CCSER2: variants seen among roughly 807,000 people sequenced by gnomAD.
CCSER2 encodes serine-rich coiled-coil domain-containing protein 2.
In CCSER2, 46 loss-of-function variants were observed where a neutral mutation model predicts 92.3. The ratio of observed to expected loss-of-function variants is 0.50; its 90% CI spans 0.39 to 0.64. The LOEUF (loss-of-function observed/expected upper bound fraction) is 0.64. CCSER2 is among the 30% of genes least tolerant of loss of function. The pLI, the probability that CCSER2 is intolerant of heterozygous loss-of-function variation, is 0.00. For synonymous variants in CCSER2, 433 were observed against 431.4 expected (o/e 1.00, Z -0.04); for missense variants, 1,244 against 1,238.9 (o/e 1.00, Z -0.06).
intron 9 of CCSER2, chr10:84,499,966 CTG>C: frequency 6.2e-7 from 1 of 1,613,414 alleles, no homozygotes; most frequent in Non-Finnish European, 8.5e-7. Flanking sequence ...CAGAGTGAGT[CTG>C]TGTCTCTCAC....
At chr10:84,466,650 G>A (rs1399404073) in intron 7 of CCSER2, among the ~76,000 whole-genome samples, 12 of 150,224 alleles carry the variant, frequency 8.0e-5, no homozygotes, top group South Asian at 6.3e-4. Flanking sequence ...GACTACAGGC[G>A]CCCGCCGCCA....
chr10:84,440,477 T>TCATACACTA (rs1844460655), intron 6 of CCSER2, among the ~76,000 whole-genome samples: 1 of 152,104 alleles, frequency 6.6e-6, no homozygotes, highest in Non-Finnish European at 1.5e-5. Context: ...TCAAAAAAAT[T>TCATACACTA]CATACACTAT....
chr10:84,375,538 T>G (rs1208928905), intron 3 of CCSER2, among the ~76,000 whole-genome samples: 1 of 107,994 alleles, frequency 9.3e-6, no homozygotes, highest in African/African-American at 3.2e-5. Context: ...TTGGTTTGTT[T>G]TTTTTTTTTT....
chr10:84,391,566 C>T, intron 3 of CCSER2: 1 of 1,487,544 alleles, frequency 6.7e-7, no homozygotes, highest in Non-Finnish European at 9.4e-7. Flanking sequence ...GCCACATAGG[C>T]AGTTGGAGAA....
intron 6 of CCSER2, among the ~76,000 whole-genome samples, chr10:84,457,272 T>TTATATAA (rs1564684493): frequency 1.2e-4 from 2 of 16,830 alleles, no homozygotes; most frequent in East Asian, 1.7e-3. Context: ...ATATTATATA[T>TTATATAA]AATATATTAT....
intron 3 of CCSER2, among the ~76,000 whole-genome samples, chr10:84,378,762 G>C (rs1846481616): frequency 6.6e-6 from 1 of 152,114 alleles, no homozygotes; most frequent in Non-Finnish European, 1.5e-5. Flanking sequence ...AAAAGAGATA[G>C]GGTCTGTCTC....
intron 3 of CCSER2, among the ~76,000 whole-genome samples, chr10:84,388,685 C>T (rs994009669): frequency 6.6e-6 from 1 of 152,156 alleles, no homozygotes; most frequent in African/African-American, 2.4e-5. Context: ...TTTCCATGGA[C>T]TGGAGTGCAG....
At chr10:84,416,364 T>G (rs1002623087) in intron 3 of CCSER2, among the ~76,000 whole-genome samples, 1 of 152,212 alleles carries the variant, frequency 6.6e-6, no homozygotes, top group South Asian at 2.1e-4. Flanking sequence ...TGCCGCAGAC[T>G]GTAACTGCTT....
chr10:84,410,961 C>T (rs951246758), intron 3 of CCSER2, among the ~76,000 whole-genome samples: 2 of 152,108 alleles, frequency 1.3e-5, no homozygotes, highest in South Asian at 4.1e-4. Context: ...GGAAGAAGTC[C>T]AGTTTCAATT....
At chr10:84,329,458 C>G (rs893535893) in intron 1 of CCSER2, among the ~76,000 whole-genome samples, 3 of 152,206 alleles carry the variant, frequency 2.0e-5, no homozygotes, top group African/African-American at 7.2e-5. Flanking sequence ...ATGAGGCTGG[C>G]TGCTCCCAGA....
rs141667701 is a variant in CCSER2, at chr10:84,512,367, A to AGTGTGT, written c.2326-1058_2326-1053dup. 4.2e-3 allele frequency among the ~76,000 whole-genome samples: 581 copies of AGTGTGT among 139,664 alleles called. 7 individuals are homozygous for AGTGTGT. Among genetic ancestry groups the AGTGTGT allele is most frequent in the African/African-American group, 0.014 (546 of 37,752 alleles). 91.6% of individuals were successfully genotyped at this position (139,664 alleles called of 152,430 possible). A position where few individuals can be genotyped will look rare whatever the true frequency, so the allele number is the denominator to read the frequency against. ...ACATTTTAGCCCACATTATTTAAAC[A>AGTGTGT]GTGTGTGTGTGTGTGTGTGTGTGTG... On this transcript the variant is annotated intron_variant, in intron 9 of 9. Coordinates refer to ENST00000372088, the MANE Select transcript of CCSER2 (RefSeq NM_001284240.2).
intron 1 of CCSER2, among the ~76,000 whole-genome samples, chr10:84,341,109 T>C (rs957571048): frequency 1.3e-5 from 2 of 149,952 alleles, no homozygotes; most frequent in Non-Finnish European, 1.5e-5. Context: ...GGCTTGATTA[T>C]AGGTCACTGT....
At chr10:84,440,032 T>C (rs908727803) in intron 6 of CCSER2, among the ~76,000 whole-genome samples, 1 of 152,170 alleles carries the variant, frequency 6.6e-6, no homozygotes, top group African/African-American at 2.4e-5. Context: ...TTTGGGTGTT[T>C]TGCCCTGAAT....
chr10:84,505,607 T>C (rs1046919279), intron 9 of CCSER2, among the ~76,000 whole-genome samples: 15 of 152,104 alleles, frequency 9.9e-5, no homozygotes, highest in African/African-American at 3.4e-4. Flanking sequence ...AAAAAAACTT[T>C]ACTAATTCAA....
intron 1 of CCSER2, among the ~76,000 whole-genome samples, chr10:84,369,138 A>G (rs940205288): frequency 2.8e-5 from 4 of 144,496 alleles, no homozygotes; most frequent in African/African-American, 1.0e-4. Flanking sequence ...AAACATACAT[A>G]TGCAGGTTTT....
At chr10:84,500,572 AT>A (rs1360987170) in intron 9 of CCSER2, among the ~76,000 whole-genome samples, 1 of 152,222 alleles carries the variant, frequency 6.6e-6, no homozygotes, top group Admixed American at 6.5e-5. Context: ...ATTTCTAATG[AT>A]TTAGTTACTG....
intron 1 of CCSER2, among the ~76,000 whole-genome samples, chr10:84,350,537 TGA>T (rs1264634945): frequency 1.3e-5 from 2 of 152,226 alleles, no homozygotes; most frequent in African/African-American, 4.8e-5. Context: ...AAAGGAAACC[TGA>T]GAGGTTATCT....
intron 4 of CCSER2, among the ~76,000 whole-genome samples, chr10:84,423,448 G>T (rs775175040): frequency 2.0e-5 from 3 of 152,182 alleles, no homozygotes; most frequent in African/African-American, 7.2e-5. Flanking sequence ...GAGTCTATAT[G>T]TGGAGCCCAT....
At chr10:84,379,814 G>A (rs868413607) in intron 3 of CCSER2, among the ~76,000 whole-genome samples, 1 of 151,780 alleles carries the variant, frequency 6.6e-6, no homozygotes, top group African/African-American at 2.4e-5. Flanking sequence ...TATTTGTATT[G>A]TAGTTCTAAT....
Sources: allele counts gnomAD v4.1 joint callset (sites outside exome capture counted in the v4.1 genomes callset), GRCh38; gene constraint gnomAD v4.1.1; transcripts MANE v1.5; gene names NCBI Gene and HGNC (gene_info 2026-07-23, HGNC 2026-07-21).